Variants in OTOA observed in about 807,000 individuals in gnomAD.
The protein encoded by OTOA is cancer/testis antigen 108.
In OTOA, 70 loss-of-function variants were observed where a neutral mutation model predicts 110.8. The observed-to-expected ratio is 0.63, with a 90% confidence interval of 0.52 to 0.77. The LOEUF (loss-of-function observed/expected upper bound fraction) is 0.77. Among genes scored for constraint, OTOA ranks in the 30% least tolerant of loss-of-function variants. The pLI is 0.00. For synonymous variants in OTOA, 373 were observed against 431.5 expected (o/e 0.86, Z 1.68); for missense variants, 917 against 1,075.8 (o/e 0.85, Z 2.06).
chr16:21,699,595 C>T (rs1898010502), intron 10 of OTOA, among the ~76,000 whole-genome samples: 3 of 152,064 alleles, frequency 2.0e-5, no homozygotes, highest in Admixed American at 2.0e-4. Flanking sequence ...CATGATCACA[C>T]CACTGCACCC....
chr16:21,709,341 C>T (rs150710928), intron 12 of OTOA, among the ~76,000 whole-genome samples: 2,733 of 152,026 alleles, frequency 0.018, 101 homozygotes, highest in African/African-American at 0.062. Context: ...GCAGGAGAAT[C>T]GCTTGAACCC....
intron 21 of OTOA, among the ~76,000 whole-genome samples, chr16:21,735,249 G>A (rs1000390759): frequency 6.6e-5 from 10 of 152,126 alleles, no homozygotes; most frequent in African/African-American, 2.4e-4. Context: ...AAGGCCTCAG[G>A]AAACTTACAA....
intron 1 of OTOA, among the ~76,000 whole-genome samples, chr16:21,670,637 A>G (rs1470248534): frequency 1.3e-5 from 2 of 152,184 alleles, no homozygotes; most frequent in African/African-American, 4.8e-5. Flanking sequence ...AAACTGCTGT[A>G]TTCTCAGAGC....
intron 9 of OTOA, among the ~76,000 whole-genome samples, chr16:21,696,776 C>G (rs755547166): frequency 6.6e-6 from 1 of 151,818 alleles, no homozygotes; most frequent in Non-Finnish European, 1.5e-5. Flanking sequence ...TGTGAGCCAC[C>G]ACATCTGGCC....
intron 18 of OTOA, among the ~76,000 whole-genome samples, 183 bp from the exon 19 acceptor site, chr16:21,726,340 A>C (rs1898915649): frequency 6.6e-6 from 1 of 152,136 alleles, no homozygotes; most frequent in Non-Finnish European, 1.5e-5. Flanking sequence ...GTTCCCACCC[A>C]TAGAAGAGGA....
chr16:21,734,088 CGCACCTGACCTGTGTTAGGCAATTCTT>C (rs1211068375), intron 21 of OTOA, among the ~76,000 whole-genome samples: 3 of 150,886 alleles, frequency 2.0e-5, no homozygotes, highest in Non-Finnish European at 4.4e-5. Flanking sequence ...TGTGAGCCAC[CGCACCTGACCTGTGTTAGGCAATTCTT>C]GCATTGCTAT....
chr16:21,685,123 G>T, intron 6 of OTOA, 107 bp from the exon 7 acceptor site: 1 of 1,461,266 alleles, frequency 6.8e-7, no homozygotes, highest in Non-Finnish European at 9.4e-7. Context: ...CACTAGTTGT[G>T]GTCTCTGCAG....
chr16:21,671,528 A>G (rs1006977669), intron 1 of OTOA, among the ~76,000 whole-genome samples: 1 of 148,890 alleles, frequency 6.7e-6, no homozygotes, highest in Non-Finnish European at 1.5e-5. Context: ...CAGAGGTTGC[A>G]GTGAGCCTAC....
At chr16:21,684,652 G>A in intron 6 of OTOA, 1 of 922,202 alleles carries the variant, frequency 1.1e-6, no homozygotes, top group East Asian at 2.8e-5. Flanking sequence ...AAGGGGATGT[G>A]CGCCCGGTGT....
chr16:21,738,026 C>T (rs1899391679), intron 22 of OTOA, among the ~76,000 whole-genome samples: 1 of 152,260 alleles, frequency 6.6e-6, no homozygotes, highest in African/African-American at 2.4e-5. Context: ...AATTTCCATA[C>T]ATAAGTAAAA....
intron 1 of OTOA, among the ~76,000 whole-genome samples, chr16:21,664,802 T>C (rs1279724872): frequency 1.3e-5 from 2 of 151,670 alleles, no homozygotes; most frequent in African/African-American, 4.8e-5. Context: ...TGAAATTCCA[T>C]CTCTACTAAA....
intron 6 of OTOA, chr16:21,684,378 C>A: frequency 7.0e-7 from 1 of 1,426,416 alleles, no homozygotes; most frequent in African/African-American, 1.4e-5. Flanking sequence ...TCAGGAGAGG[C>A]TGATGGCTTC....
At chr16:21,677,479 C>CTTTT (rs778223383) in intron 1 of OTOA, among the ~76,000 whole-genome samples, 45 of 116,884 alleles carry the variant, frequency 3.8e-4, no homozygotes, top group African/African-American at 4.8e-4. Context: ...AGCTTCATAT[C>CTTTT]TTTTTTTTTT....
At chr16:21,737,074 A>C (rs1833272263) in intron 22 of OTOA, among the ~76,000 whole-genome samples, 1 of 152,300 alleles carries the variant, frequency 6.6e-6, no homozygotes, top group Non-Finnish European at 1.5e-5. Context: ...TGTGTGCCTC[A>C]GTTTTCATCC....
chr16:21,711,837 G>A (rs1057051637), intron 13 of OTOA, among the ~76,000 whole-genome samples: 1 of 152,118 alleles, frequency 6.6e-6, no homozygotes, highest in African/African-American at 2.4e-5. Flanking sequence ...ACAAGGATTG[G>A]ATTAGGACCC....
At chr16:21,734,820 A>G (rs373234951) in intron 21 of OTOA, among the ~76,000 whole-genome samples, 8 of 151,686 alleles carry the variant, frequency 5.3e-5, no homozygotes, top group African/African-American at 1.9e-4. Context: ...TGGGTGATAG[A>G]GCGAGACTCC....
chr16:21,666,214 C>T (rs1311389101), intron 1 of OTOA, among the ~76,000 whole-genome samples: 4 of 149,862 alleles, frequency 2.7e-5, no homozygotes, highest in African/African-American at 9.9e-5. Flanking sequence ...ACACATTTAC[C>T]TATTTTGGAT....
intron 17 of OTOA, among the ~76,000 whole-genome samples, chr16:21,720,951 T>TCCA (rs1448746214): frequency 3.1e-5 from 4 of 129,612 alleles, no homozygotes; most frequent in Non-Finnish European, 6.8e-5. Flanking sequence ...GACAGGACCT[T>TCCA]GCTCTGTTGC....
intron 6 of OTOA, among the ~76,000 whole-genome samples, chr16:21,683,155 A>G (rs895779262): frequency 2.6e-5 from 4 of 152,236 alleles, no homozygotes; most frequent in Admixed American, 2.0e-4. Context: ...CAAGGCAGTC[A>G]TGATACTACC....
Sources: gnomAD v4.1 joint callset for allele counts (sites outside exome capture counted in the v4.1 genomes callset) on GRCh38, gnomAD v4.1.1 for gene constraint, MANE v1.5 for transcripts, NCBI Gene and HGNC (gene_info 2026-07-23, HGNC 2026-07-21) for gene names.